The following SNTG1 variants were observed in gnomAD, a reference collection of about 807,000 sequenced individuals.
SNTG1 encodes gamma-1-syntrophin.
Under a neutral mutation model 74.7 loss-of-function variants are expected in SNTG1, and 39 were observed. The ratio of observed to expected loss-of-function variants is 0.52; its 90% CI spans 0.40 to 0.68. The LOEUF is 0.68. SNTG1 is among the 30% of genes least tolerant of loss of function. The pLI is 0.00. For missense variants in SNTG1, 685 were observed against 609.5 expected (o/e 1.12, Z -1.30); for synonymous variants, 254 against 217.1 (o/e 1.17, Z -1.49).
At chr8:50,297,896 C>T (rs1159294108) in intron 2 of SNTG1, among the ~76,000 whole-genome samples, 1 of 144,908 alleles carries the variant, frequency 6.9e-6, no homozygotes. Context: ...TTTTTTTTTA[C>T]AACAATTTGG....
intron 2 of SNTG1, among the ~76,000 whole-genome samples, chr8:50,268,687 C>A (rs1488499622): frequency 2.6e-5 from 4 of 151,148 alleles, no homozygotes; most frequent in Non-Finnish European, 5.9e-5. Context: ...GGCAGAGGCT[C>A]CCTCTGTTGC....
At chr8:50,706,858 A>C (rs2095444970) in intron 16 of SNTG1, among the ~76,000 whole-genome samples, 1 of 151,992 alleles carries the variant, frequency 6.6e-6, no homozygotes, top group Admixed American at 6.6e-5. Flanking sequence ...GAATTAAATA[A>C]AGAAGGAATA....
intron 9 of SNTG1, among the ~76,000 whole-genome samples, chr8:50,519,769 G>A (rs910569547): frequency 6.6e-6 from 1 of 152,060 alleles, no homozygotes; most frequent in African/African-American, 2.4e-5. Context: ...CCTCTTCAAG[G>A]AGAACTGCAA....
intron 1 of SNTG1, among the ~76,000 whole-genome samples, chr8:50,092,383 C>T (rs951529896): frequency 1.3e-5 from 2 of 152,074 alleles, no homozygotes; most frequent in Non-Finnish European, 2.9e-5. Flanking sequence ...TTAGGAAGGC[C>T]GTGTTTCCGT....
chr8:50,479,205 G>A (rs1009784048), intron 8 of SNTG1, among the ~76,000 whole-genome samples: 2 of 151,806 alleles, frequency 1.3e-5, no homozygotes, highest in South Asian at 4.2e-4. Context: ...GTTTGGGGAT[G>A]ATTTTGTGAT....
At chr8:50,341,005 G>A (rs1331238989) in intron 2 of SNTG1, among the ~76,000 whole-genome samples, 1 of 151,872 alleles carries the variant, frequency 6.6e-6, no homozygotes, top group East Asian at 1.9e-4. Context: ...ACCTCCAAAT[G>A]TGAGATAGTT....
At chr8:50,281,131 G>T (rs28886897) in intron 2 of SNTG1, among the ~76,000 whole-genome samples, 7,410 of 152,158 alleles carry the variant, frequency 0.049, 408 homozygotes, top group South Asian at 0.17. Context: ...AATATGTTTT[G>T]GGGTAAAACC....
intron 17 of SNTG1, among the ~76,000 whole-genome samples, chr8:50,751,214 C>A (rs1009780751): frequency 2.0e-5 from 3 of 151,946 alleles, no homozygotes; most frequent in Admixed American, 6.6e-5. Context: ...TTTGAACACA[C>A]ATACACAATT....
intron 15 of SNTG1, among the ~76,000 whole-genome samples, chr8:50,673,859 C>A (rs1196358051): frequency 6.6e-6 from 1 of 152,030 alleles, no homozygotes; most frequent in Non-Finnish European, 1.5e-5. Flanking sequence ...CCATCAATAC[C>A]TAGTTTATTG....
At chr8:50,789,788 A>G (rs2095685997) in intron 18 of SNTG1, among the ~76,000 whole-genome samples, 1 of 151,974 alleles carries the variant, frequency 6.6e-6, no homozygotes, top group South Asian at 2.1e-4. Flanking sequence ...ACTTTTGTCA[A>G]TGCCTGTCAC....
At chr8:50,728,913 C>A (rs998749400) in intron 17 of SNTG1, among the ~76,000 whole-genome samples, 6 of 152,196 alleles carry the variant, frequency 3.9e-5, no homozygotes, top group African/African-American at 7.2e-5. Context: ...TACCCAGATG[C>A]ACTGTCCAGA....
chr8:50,270,737 CAT>C (rs1433749300), intron 2 of SNTG1, among the ~76,000 whole-genome samples: 6 of 152,032 alleles, frequency 3.9e-5, no homozygotes, highest in African/African-American at 7.2e-5. Flanking sequence ...TGAAGACAAA[CAT>C]GAGATAAAAT....
At chr8:50,404,147 A>T (rs535486116) in intron 4 of SNTG1, among the ~76,000 whole-genome samples, 1 of 152,266 alleles carries the variant, frequency 6.6e-6, no homozygotes, top group East Asian at 1.9e-4. Context: ...CCTACAAGCA[A>T]CTAGAAATGA....
chr8:50,150,886 C>G (rs1167361095), intron 1 of SNTG1, among the ~76,000 whole-genome samples: 1 of 152,100 alleles, frequency 6.6e-6, no homozygotes, highest in Non-Finnish European at 1.5e-5. Context: ...TTTGTTGTGT[C>G]TCTGCCAGGC....
At chr8:50,401,179 A>T (rs2131347933) in intron 3 of SNTG1, among the ~76,000 whole-genome samples, 1 of 152,292 alleles carries the variant, frequency 6.6e-6, no homozygotes, top group African/African-American at 2.4e-5. Context: ...CTCAATAATT[A>T]TTACAAGAAA....
chr8:50,291,992 T>C (rs1170723030), intron 2 of SNTG1, among the ~76,000 whole-genome samples: 1 of 149,476 alleles, frequency 6.7e-6, no homozygotes, highest in Non-Finnish European at 1.5e-5. Flanking sequence ...AGGAAAGGTG[T>C]GTGTGTGTGT....
At chr8:50,530,060 T>C (rs2094254178) in intron 9 of SNTG1, 117 bp from the exon 10 acceptor site, 2 of 817,640 alleles carry the variant, frequency 2.4e-6, no homozygotes, top group South Asian at 1.7e-5. Flanking sequence ...TAAAATTGTA[T>C]TGTAATATCT....
chr8:50,128,112 T>C (rs2081204127), intron 1 of SNTG1, among the ~76,000 whole-genome samples: 2 of 152,244 alleles, frequency 1.3e-5, no homozygotes, highest in Middle Eastern at 3.4e-3. Context: ...CTCTAATTAC[T>C]CTCCACTGAG....
In SNTG1 at chr8:50,170,154, G is replaced by A. The variant is rs138130856; in HGVS notation, c.-102-2407G>A. Among the ~76,000 whole-genome samples, 137 of 152,148 alleles carry A rather than the reference G, an allele frequency of 9.0e-4. 1 individual carries two copies. The highest frequency in any genetic ancestry group is 3.2e-3 in the African/African-American group (133 of 41,500). On this transcript the variant is annotated intron_variant, in intron 1 of 18. Transcript: ENST00000642720. ...CTCTGTGGCTATAGAGACCAGGAGCGGACCAGCCTCAGTGACGACAGCATG... is the reference window on the plus strand; with the variant it reads ...CTCTGTGGCTATAGAGACCAGGAGCAGACCAGCCTCAGTGACGACAGCATG...
Sources: gnomAD v4.1 joint callset for allele counts (sites outside exome capture counted in the v4.1 genomes callset) on GRCh38, gnomAD v4.1.1 for gene constraint, MANE v1.5 for transcripts, NCBI Gene and HGNC (gene_info 2026-07-23, HGNC 2026-07-21) for gene names.